FGF1: variants seen among roughly 807,000 people sequenced by gnomAD.
FGF1 encodes the protein fibroblast growth factor 1, also known as beta-endothelial cell growth factor.
Under a neutral mutation model 13.4 loss-of-function variants are expected in FGF1, and 9 were observed. The observed-to-expected ratio is 0.67, with a 90% CI of 0.40 to 1.17. The LOEUF (loss-of-function observed/expected upper bound fraction) is 1.17, where lower values mean the gene tolerates loss of function less well. Among genes scored for constraint, FGF1 ranks in the 50% most tolerant of loss-of-function variants. The pLI is 0.01. For missense variants in FGF1, 156 were observed against 192.7 expected (o/e 0.81, Z 1.13); for synonymous variants, 93 against 79.0 (o/e 1.18, Z -0.94).
At chr5:142,629,371 C>T (rs1762964052) in intron 1 of FGF1, among the ~76,000 whole-genome samples, 2 of 152,046 alleles carry the variant, frequency 1.3e-5, no homozygotes, top group Middle Eastern at 3.2e-3. Flanking sequence ...GCTATGTTGC[C>T]CCGGCTGGTC....
At chr5:142,602,896 G>A (rs776713280) in intron 2 of FGF1, among the ~76,000 whole-genome samples, 1 of 152,062 alleles carries the variant, frequency 6.6e-6, no homozygotes, top group Non-Finnish European at 1.5e-5. Context: ...CTTATCTCCT[G>A]ATTCACCCCC....
At chr5:142,644,534 C>T (rs896223481) in intron 1 of FGF1, among the ~76,000 whole-genome samples, 12 of 152,136 alleles carry the variant, frequency 7.9e-5, no homozygotes, top group African/African-American at 2.7e-4. Context: ...ACCCCAGGTT[C>T]TCTGAACTCT....
chr5:142,697,902 TACCC>T (rs4041511), intron 1 of FGF1: 50,131 of 151,834 alleles, frequency 0.33, 15,466 homozygotes, highest in African/African-American at 0.81. Context: ...CCACACACCA[TACCC>T]ACCCACCTGT....
intron 1 of FGF1, among the ~76,000 whole-genome samples, chr5:142,674,122 G>T (rs1436110889): frequency 1.3e-5 from 2 of 152,182 alleles, no homozygotes; most frequent in African/African-American, 2.4e-5. Context: ...CACCTGCTCA[G>T]AGAGGCTCCC....
chr5:142,629,211 A>G (rs183539449), intron 1 of FGF1, among the ~76,000 whole-genome samples: 88 of 152,342 alleles, frequency 5.8e-4, no homozygotes, highest in African/African-American at 2.0e-3. Context: ...GCTTTAGTGC[A>G]GTGGCACGAA....
intron 1 of FGF1, among the ~76,000 whole-genome samples, chr5:142,661,831 G>A (rs1238454853): frequency 3.3e-5 from 5 of 151,938 alleles, no homozygotes; most frequent in African/African-American, 7.3e-5. Context: ...ATGAAACCCC[G>A]TCTCTACTAA....
intron 1 of FGF1, among the ~76,000 whole-genome samples, chr5:142,624,001 C>A (rs1364777538): frequency 6.6e-6 from 1 of 152,092 alleles, no homozygotes; most frequent in Non-Finnish European, 1.5e-5. Flanking sequence ...CTCACTGCAA[C>A]CTCCGCCTCC....
chr5:142,665,507 C>G (rs2152011594), intron 1 of FGF1, among the ~76,000 whole-genome samples: 1 of 152,294 alleles, frequency 6.6e-6, no homozygotes, highest in African/African-American at 2.4e-5. Flanking sequence ...CTCCCCCCAA[C>G]AAGGCTTCTC....
At chr5:142,669,862 T>C (rs907809230) in intron 1 of FGF1, among the ~76,000 whole-genome samples, 27 of 151,982 alleles carry the variant, frequency 1.8e-4, no homozygotes, top group Admixed American at 1.6e-3. Flanking sequence ...CACTCCACAC[T>C]CTGAGATCCC....
chr5:142,669,461 A>G (rs557986088), intron 1 of FGF1, among the ~76,000 whole-genome samples: 2 of 152,318 alleles, frequency 1.3e-5, no homozygotes, highest in East Asian at 3.9e-4. Context: ...AAAGATCCTA[A>G]ACTTGAGCCA....
intron 1 of FGF1, among the ~76,000 whole-genome samples, chr5:142,635,124 G>A (rs1038825439): frequency 6.6e-6 from 1 of 152,122 alleles, no homozygotes; most frequent in Non-Finnish European, 1.5e-5. Flanking sequence ...TCCAGAGTCC[G>A]GGAGACCTGG....
At chr5:142,659,321 C>T (rs868293068) in intron 1 of FGF1, among the ~76,000 whole-genome samples, 2 of 151,452 alleles carry the variant, frequency 1.3e-5, no homozygotes, top group African/African-American at 4.9e-5. Context: ...CTCTGCCTCC[C>T]GGGTTCAAGC....
chr5:142,649,335 TATC>T lies in FGF1; in HGVS notation c.-34-35177_-34-35175del, dbSNP rs1766776234. On this transcript the variant is annotated intron_variant, in intron 1 of 3. Coordinates refer to ENST00000337706, the MANE Select transcript of FGF1 (RefSeq NM_000800.5). Reference sequence around the variant, plus strand: ...ACTTTCATACATTATTTATATTTATTATCACTACTATAAGTACATTCTCATCTT... The same window carrying T: ...ACTTTCATACATTATTTATATTTATTACTACTATAAGTACATTCTCATCTT... Among the ~76,000 whole-genome samples, 3 of 152,338 alleles carry T rather than the reference TATC, an allele frequency of 2.0e-5. No homozygotes were observed. In the South Asian group the frequency reaches 6.2e-4, roughly 32 times the overall value.
rs193167271 is a variant in FGF1, at chr5:142,592,484, C to T, written c.*2806G>A. The stretch of plus-strand genomic sequence containing the variant: ...CCAATACCTACCTCCACCACCATCA[C>T]ATTGCAAACGACCAAAAGCACATAT... On this transcript the variant is annotated 3_prime_UTR_variant, in exon 4 of 4. Coordinates refer to ENST00000337706, the MANE Select transcript of FGF1 (RefSeq NM_000800.5). 14 of 398,520 alleles carry T rather than the reference C, an allele frequency of 3.5e-5. No individual in the cohort carries two copies. The Admixed American group carries it at 5.7e-4, about 16-fold the overall frequency. The allele number at this position is 398,520 out of a possible 1,614,324, so 24.7% of individuals were successfully genotyped here.
At chr5:142,695,396 A>G (rs1043858164) in intron 2 of FGF1, among the ~76,000 whole-genome samples, 1 of 152,186 alleles carries the variant, frequency 6.6e-6, no homozygotes, top group African/African-American at 2.4e-5. Context: ...AGCCTGGCCA[A>G]CATGGCAAAA....
intron 1 of FGF1, among the ~76,000 whole-genome samples, chr5:142,656,056 A>G (rs1475198426): frequency 6.6e-6 from 1 of 152,212 alleles, no homozygotes; most frequent in Non-Finnish European, 1.5e-5. Context: ...TCACATATTA[A>G]ATACCAAGTC....
upstream of FGF1, among the ~76,000 whole-genome samples, chr5:142,689,799 C>T (rs1280171369): frequency 2.0e-5 from 3 of 148,638 alleles, no homozygotes; most frequent in East Asian, 2.1e-4. Context: ...CCCGAGTTCA[C>T]GCCATTCTCC....
At position 142,593,566 on chromosome 5, in the gene FGF1, C is replaced by T. The variant is rs1754669738; in HGVS notation, c.*1724G>A. On this transcript the variant is annotated 3_prime_UTR_variant, in exon 4 of 4. Coordinates refer to ENST00000337706, the MANE Select transcript of FGF1 (RefSeq NM_000800.5). ...CATATGAAACAGGAGCTAACACTCT[C>T]ATCAATTTTTATTCACAATTACCAT... 6.6e-6 allele frequency: 1 copy of T among 152,130 alleles called. No homozygotes were observed. Among genetic ancestry groups the T allele is most frequent in the Non-Finnish European group, 1.5e-5 (1 of 68,040 alleles). 9.4% of individuals were successfully genotyped at this position (152,130 alleles called of 1,614,324 possible).
In FGF1 at chr5:142,678,161, C is replaced by G. The variant is rs7705224; in HGVS notation, c.-35+7796G>C. 1.8e-3 allele frequency among the ~76,000 whole-genome samples: 271 copies of G among 152,188 alleles called. 1 individual carries two copies. Among genetic ancestry groups the G allele is most frequent in the African/African-American group, 6.1e-3 (254 of 41,520 alleles). ...GTAAGAGTCAGATGGATCTTACCCCCCAAGAGGCCTCCTGTCTACTTTCTC... is the reference window on the plus strand; with the variant it reads ...GTAAGAGTCAGATGGATCTTACCCCGCAAGAGGCCTCCTGTCTACTTTCTC... On this transcript the variant is annotated intron_variant, in intron 1 of 3. Transcript: ENST00000337706.
Sources: gnomAD v4.1 joint callset for allele counts (sites outside exome capture counted in the v4.1 genomes callset) on GRCh38, gnomAD v4.1.1 for gene constraint, MANE v1.5 for transcripts, NCBI Gene and HGNC (gene_info 2026-07-23, HGNC 2026-07-21) for gene names.